Variants in CGREF1 observed in about 807,000 individuals in gnomAD.
CGREF1 encodes cell growth regulator with EF-hand domain 1.
Under a neutral mutation model 17.4 loss-of-function variants are expected in CGREF1, and 16 were observed. The observed-to-expected ratio is 0.92, with a 90% CI of 0.62 to 1.40. The LOEUF (loss-of-function observed/expected upper bound fraction) is 1.40. Ranked by LOEUF, CGREF1 falls within the 40% of genes most tolerant of loss-of-function variation. The pLI is 0.00. For synonymous variants in CGREF1, 142 were observed against 154.6 expected (o/e 0.92, Z 0.61); for missense variants, 296 against 376.4 (o/e 0.79, Z 1.77).
At chr2:27,113,869 C>G (rs948882662) in intron 1 of CGREF1, among the ~76,000 whole-genome samples, 1 of 152,132 alleles carries the variant, frequency 6.6e-6, no homozygotes, top group African/African-American at 2.4e-5. Context: ...ATTGCTTTCT[C>G]CACCCTATCT....
chr2:27,111,425 C>T (rs571151593), intron 1 of CGREF1, among the ~76,000 whole-genome samples: 1 of 152,354 alleles, frequency 6.6e-6, no homozygotes, highest in African/African-American at 2.4e-5. Context: ...AAGTCCCCAC[C>T]AGACTCAAGA....
At chr2:27,101,938 G>A (rs537443308) in intron 5 of CGREF1, 50 bp from the exon 6 acceptor site, 2 of 1,593,908 alleles carry the variant, frequency 1.3e-6, no homozygotes, top group African/African-American at 1.3e-5. Context: ...GATGTTCCCA[G>A]GAGTTCTGAC....
chr2:27,109,345 C>T (rs1048868559), intron 1 of CGREF1, among the ~76,000 whole-genome samples: 26 of 147,322 alleles, frequency 1.8e-4, no homozygotes, highest in Admixed American at 1.6e-3. Context: ...GTAATCTAGC[C>T]TGGGCAACAG....
At chr2:27,114,690 A>T (rs1239824261) in intron 1 of CGREF1, among the ~76,000 whole-genome samples, 1 of 152,142 alleles carries the variant, frequency 6.6e-6, no homozygotes, top group Non-Finnish European at 1.5e-5. Flanking sequence ...ACCCTACGGA[A>T]GAGAGAGTGT....
chr2:27,116,504 G>T (rs1480605078), intron 1 of CGREF1, among the ~76,000 whole-genome samples: 2 of 151,588 alleles, frequency 1.3e-5, no homozygotes, highest in Non-Finnish European at 2.9e-5. Flanking sequence ...TCCAGCTGGG[G>T]TCACAGAGCA....
At chr2:27,099,500 T>C, downstream of CGREF1, 1 of 1,614,128 alleles carries the variant, frequency 6.2e-7, no homozygotes, top group Non-Finnish European at 8.5e-7. Context: ...TCGGATGCTT[T>C]CCCGCCACCC....
At chr2:27,111,513 G>A (rs1293516315) in intron 1 of CGREF1, among the ~76,000 whole-genome samples, 5 of 152,226 alleles carry the variant, frequency 3.3e-5, no homozygotes, top group Non-Finnish European at 7.3e-5. Context: ...CCCTGCGCCC[G>A]CACTCCTCAG....
At position 27,116,871 on chromosome 2, in the gene CGREF1, T is replaced by TTCTCTCTCTCTCTCTCTCTCTC. The variant is rs537582075; in HGVS notation, c.-12+1953_-12+1974dup. Among the ~76,000 whole-genome samples the TTCTCTCTCTCTCTCTCTCTCTC allele has an allele frequency of 2.2e-3, 74 of 33,644 alleles. 1 individual carries two copies. The highest frequency in any genetic ancestry group is 3.4e-3 in the East Asian group (4 of 1,178). The allele number at this position is 33,644 out of a possible 152,430, so 22.1% of individuals were successfully genotyped here. A position where few individuals can be genotyped will look rare whatever the true frequency, so the allele number is the denominator to read the frequency against. On this transcript the variant is annotated intron_variant, in intron 1 of 5. Coordinates refer to ENST00000402394, the MANE Select transcript of CGREF1 (RefSeq NM_006569.6). The stretch of plus-strand genomic sequence containing the variant: ...GGGATGAGCCACCAGGCCAGGCCTA[T>TTCTCTCTCTCTCTCTCTCTCTC]TCTCTCTCTCTCTCTCTCTCTCTCT...
intron 1 of CGREF1, among the ~76,000 whole-genome samples, chr2:27,117,046 G>A (rs1671614657): frequency 6.6e-6 from 1 of 151,942 alleles, no homozygotes; most frequent in Non-Finnish European, 1.5e-5. Context: ...CCAAGTAGCT[G>A]GGATTACAGG....
At chr2:27,111,309 C>T (rs531335543) in intron 1 of CGREF1, among the ~76,000 whole-genome samples, 13 of 152,314 alleles carry the variant, frequency 8.5e-5, no homozygotes, top group Admixed American at 8.5e-4. Flanking sequence ...TTCCCAAACC[C>T]AGAGCTAGAC....
intron 1 of CGREF1, among the ~76,000 whole-genome samples, chr2:27,106,700 T>G (rs1671134339): frequency 6.6e-6 from 1 of 152,142 alleles, no homozygotes; most frequent in Non-Finnish European, 1.5e-5. Flanking sequence ...CACTGCAACC[T>G]CCACCTCCCG....
At chr2:27,110,062 G>A (rs908040745) in intron 1 of CGREF1, among the ~76,000 whole-genome samples, 3 of 151,488 alleles carry the variant, frequency 2.0e-5, no homozygotes, top group South Asian at 2.1e-4. Context: ...TGAAAAAGAA[G>A]AAATAAAAAG....
chr2:27,111,612 G>A (rs1051794716), intron 1 of CGREF1, among the ~76,000 whole-genome samples: 7 of 152,202 alleles, frequency 4.6e-5, no homozygotes, highest in Non-Finnish European at 1.0e-4. Context: ...CACGGCAGTG[G>A]GGAGGCTCAG....
At chr2:27,109,771 G>A (rs1043500050) in intron 1 of CGREF1, among the ~76,000 whole-genome samples, 29 of 150,018 alleles carry the variant, frequency 1.9e-4, no homozygotes, top group African/African-American at 6.8e-4. Context: ...TGTAATCCCA[G>A]CTACTTGGGT....
At chr2:27,116,916 TCTCTC>T (rs1402065381) in intron 1 of CGREF1, among the ~76,000 whole-genome samples, 31 of 85,632 alleles carry the variant, frequency 3.6e-4, no homozygotes, top group Middle Eastern at 7.6e-3. Context: ...TCTCTCTCTC[TCTCTC>T]TCTTTTTTTG....
chr2:27,110,001 AAACTG>A (rs1357901891), intron 1 of CGREF1, among the ~76,000 whole-genome samples: 2 of 152,088 alleles, frequency 1.3e-5, no homozygotes, highest in Admixed American at 6.6e-5. Flanking sequence ...GGAATTTTAA[AAACTG>A]AACTAAAAGA....
rs745826012 is a variant in CGREF1 at position 27,101,937 on chromosome 2, A to C, written c.343-49T>G. The C allele has an allele frequency of 1.4e-5, 23 of 1,593,746 alleles. No homozygotes were observed. In the African/African-American group the frequency reaches 3.0e-4, roughly 20 times the overall value. ...GGTCTCCAGGGACAGAGATGTTCCC[A>C]GGAGTTCTGACCCTCCCTAACACAC... On this transcript the variant is annotated intron_variant, in intron 5 of 5. Transcript: ENST00000402394.
intron 1 of CGREF1, among the ~76,000 whole-genome samples, chr2:27,108,320 C>G (rs893303796): frequency 6.6e-6 from 1 of 151,858 alleles, no homozygotes; most frequent in African/African-American, 2.4e-5. Context: ...TTAGACACAA[C>G]TGATATGAGA....
intron 1 of CGREF1, chr2:27,104,644 C>T (rs1168832089): frequency 2.5e-5 from 39 of 1,550,480 alleles, no homozygotes; most frequent in Non-Finnish European, 3.4e-5. Context: ...CATCCCCACC[C>T]CACGCCCCAT....
Sources: gnomAD v4.1 joint callset for allele counts (sites outside exome capture counted in the v4.1 genomes callset) on GRCh38, gnomAD v4.1.1 for gene constraint, MANE v1.5 for transcripts, NCBI Gene and HGNC (gene_info 2026-07-23, HGNC 2026-07-21) for gene names.